Variants in EIF4E observed in about 807,000 individuals in gnomAD.
EIF4E encodes the protein eukaryotic translation initiation factor 4E, also known as eIF-4F 25 kDa subunit.
For missense variants in EIF4E, 113 were observed against 265.6 expected, an observed-to-expected ratio of 0.43 and a Z score of 3.99; for synonymous variants, 71 against 88.5, an observed-to-expected ratio of 0.80 and a Z score of 1.11.
chr4:98,925,793 T>C (rs114057100), intron 1 of EIF4E, among the ~76,000 whole-genome samples: 12,711 of 152,146 alleles, frequency 0.084, 728 homozygotes, highest in Non-Finnish European at 0.12. Flanking sequence ...ACAAACTAGC[T>C]GAAGTAAGAA....
chr4:98,898,746 AAAAAT>A lies in EIF4E; in HGVS notation c.125+3125_125+3129del, dbSNP rs568234340. The stretch of plus-strand genomic sequence containing the variant: ...GTGAAATTATACATTTTTAAATGTG[AAAAAT>A]AAAATAACATCTTAGCATTATTTAC... On this transcript the variant is annotated intron_variant, in intron 2 of 6. Coordinates refer to ENST00000450253, the MANE Select transcript of EIF4E (RefSeq NM_001968.5). 4.4e-3 allele frequency among the ~76,000 whole-genome samples: 670 copies of A among 152,272 alleles called. 3 individuals carry two copies. The highest frequency in any genetic ancestry group is 6.9e-3 in the Non-Finnish European group (469 of 68,022).
At position 98,887,234 on chromosome 4, in the gene EIF4E, C is replaced by G; in HGVS notation, c.286-42G>C. 6.3e-7 allele frequency: 1 copy of G among 1,586,422 alleles called. No individual in the cohort carries two copies. The highest frequency in any genetic ancestry group is 8.7e-7 in the Non-Finnish European group (1 of 1,155,228). On this transcript the variant is annotated intron_variant, in intron 4 of 6. Transcript: ENST00000450253. This position sits in a 1 kb window ranked among gnomAD's most constrained non-coding sequence, Gnocchi z 4.0. ...CAACAGTATTACACAACATTGTTAC[C>G]TTGACTTTGAGAGATAATCATTAGA...
chr4:98,891,469 A>C, intron 2 of EIF4E, 137 bp from the exon 3 acceptor site: 1 of 709,726 alleles, frequency 1.4e-6, no homozygotes, highest in Non-Finnish European at 2.4e-6. Flanking sequence ...TATACACACA[A>C]TGGAATACTA....
intron 5 of EIF4E, 51 bp from the exon 6 acceptor site, chr4:98,885,112 A>G (rs777386723): frequency 1.3e-6 from 2 of 1,579,160 alleles, no homozygotes; most frequent in African/African-American, 2.7e-5. Flanking sequence ...CAAGCTCATT[A>G]CACTGCAAAT....
chr4:98,927,258 G>A (rs569371793), intron 1 of EIF4E, among the ~76,000 whole-genome samples: 18 of 152,304 alleles, frequency 1.2e-4, no homozygotes, highest in African/African-American at 4.1e-4. Context: ...TAAGCAAGCA[G>A]AGAAGCTGCC....
Position 98,880,909 on chromosome 4 carries a change from T to C in EIF4E, c.*119A>G. 2 of 1,515,400 alleles carry C rather than the reference T, an allele frequency of 1.3e-6. No homozygotes were observed. The highest frequency in any genetic ancestry group is 8.9e-7 in the Non-Finnish European group (1 of 1,122,506). 93.9% of individuals were successfully genotyped at this position (1,515,400 alleles called of 1,614,324 possible). ...AGACTTCTCTTATATCTGAGTAACA[T>C]TAAGATGGAAATCAAATTTAAATGC... On this transcript the variant is annotated 3_prime_UTR_variant, in exon 7 of 7. Transcript: ENST00000450253.
At position 98,881,070 on chromosome 4, in the gene EIF4E, A is replaced by G; in HGVS notation, c.612T>C (p.Ala204=). ...VIGYQSHADT[A]TKSGSTTKNR... Reference sequence around the variant, plus strand: ...TTTTAGTGGTGGAGCCGCTCTTAGTAGCTGTGTCTGCGTGGGACTGATAAC... The same window carrying G: ...TTTTAGTGGTGGAGCCGCTCTTAGTGGCTGTGTCTGCGTGGGACTGATAAC... Residue 204 remains alanine (A), a synonymous_variant, in exon 7 of 7, where the codon GCT becomes GCC. Transcript: ENST00000450253. The G allele has an allele frequency of 3.1e-6, 5 of 1,612,446 alleles. No individual in the cohort carries two copies. The highest frequency in any genetic ancestry group is 4.2e-6 in the Non-Finnish European group (5 of 1,179,420).
intron 1 of EIF4E, among the ~76,000 whole-genome samples, chr4:98,904,170 C>A (rs144661132): frequency 1.1e-3 from 160 of 152,248 alleles, no homozygotes; most frequent in African/African-American, 3.6e-3. Flanking sequence ...ATTTGTGAAA[C>A]GTAAGCAGAA....
rs189400211 is a variant in EIF4E at position 98,884,858 on chromosome 4, A to C, written c.539+64T>G. 53 of 1,591,224 alleles carry C rather than the reference A, an allele frequency of 3.3e-5. No homozygotes were observed. In the African/African-American group the frequency reaches 5.5e-4, roughly 16 times the overall value. On this transcript the variant is annotated intron_variant, in intron 6 of 6. Transcript: ENST00000450253. The stretch of plus-strand genomic sequence containing the variant: ...CTGAAGTATTTCTAAAGCTACAAAT[A>C]AAATAACTTCTGGTTTTACTCATCT...
chr4:98,915,017 C>T (rs66809909), intron 1 of EIF4E, among the ~76,000 whole-genome samples: 13,077 of 152,234 alleles, frequency 0.086, 1,243 homozygotes, highest in East Asian at 0.49. Context: ...AATCACAGCT[C>T]ACTGAAGTCT....
At chr4:98,910,896 A>ATT (rs1725096532) in intron 1 of EIF4E, among the ~76,000 whole-genome samples, 1 of 151,042 alleles carries the variant, frequency 6.6e-6, no homozygotes, top group Non-Finnish European at 1.5e-5. Context: ...CACCTGGCTA[A>ATT]TTATTTGTAT....
At chr4:98,910,732 TTC>T (rs1308208217) in intron 1 of EIF4E, among the ~76,000 whole-genome samples, 3 of 148,230 alleles carry the variant, frequency 2.0e-5, no homozygotes, top group African/African-American at 7.6e-5. Flanking sequence ...CTTGGATGGA[TTC>T]TTTTTTTTTT....
At chr4:98,900,745 C>T (rs913023108) in intron 2 of EIF4E, among the ~76,000 whole-genome samples, 1 of 152,110 alleles carries the variant, frequency 6.6e-6, no homozygotes, top group Non-Finnish European at 1.5e-5. Context: ...AAAAACAAAC[C>T]TACTGGAAAG....
chr4:98,927,370 A>G (rs1448333817), intron 1 of EIF4E, among the ~76,000 whole-genome samples: 4 of 152,142 alleles, frequency 2.6e-5, no homozygotes, highest in East Asian at 1.9e-4. Context: ...AAAGTCTTTA[A>G]AAGTGCCGGG....
At chr4:98,894,947 T>C (rs1304274536) in intron 2 of EIF4E, among the ~76,000 whole-genome samples, 3 of 152,328 alleles carry the variant, frequency 2.0e-5, no homozygotes, top group Admixed American at 1.3e-4. Context: ...GGGCTATTAA[T>C]TGGCTTAATT....
chr4:98,929,104 A>G lies in EIF4E; in HGVS notation c.9T>C (p.Thr3=), dbSNP rs1408185576. 1.3e-6 allele frequency: 2 copies of G among 1,580,254 alleles called. No individual in the cohort carries two copies. The highest frequency in any genetic ancestry group is 8.6e-7 in the Non-Finnish European group (1 of 1,162,936). Residue 3 remains threonine (T), a synonymous_variant, in exon 1 of 7, where the codon ACT becomes ACC. Transcript: ENST00000450253. ...CAAAGGCAATACTCACCGGTTCGAC[A>G]GTCGCCATCTTAGATCGATCTGATC... MA[T]VEPETTPTPN...
In EIF4E at chr4:98,880,890, C is replaced by T; in HGVS notation, c.*138G>A. 1 of 1,416,928 alleles carries T rather than the reference C, an allele frequency of 7.1e-7. No individual in the cohort carries two copies. The allele number at this position is 1,416,928 out of a possible 1,614,324, so 87.8% of individuals were successfully genotyped here. On this transcript the variant is annotated 3_prime_UTR_variant, in exon 7 of 7. Coordinates refer to ENST00000450253, the MANE Select transcript of EIF4E (RefSeq NM_001968.5). ...TACAAGACAAAGGCGAATGAGACTT[C>T]TCTTATATCTGAGTAACATTAAGAT...
chr4:98,929,024 C>A, intron 1 of EIF4E, 71 bp downstream of exon 1: 3 of 1,566,210 alleles, frequency 1.9e-6, no homozygotes, highest in Non-Finnish European at 2.6e-6. Flanking sequence ...CGCCGTCCCG[C>A]GGAGTCCCCC....
intron 5 of EIF4E, among the ~76,000 whole-genome samples, chr4:98,885,847 T>C (rs1723893994): frequency 6.6e-6 from 1 of 152,228 alleles, no homozygotes; most frequent in Admixed American, 6.5e-5. Flanking sequence ...TTCAACATTG[T>C]TGTACAACCA....
Sources: allele counts gnomAD v4.1 joint callset (sites outside exome capture counted in the v4.1 genomes callset), GRCh38; gene constraint gnomAD v4.1.1; non-coding constraint Gnocchi (gnomAD v3.1); transcripts MANE v1.5; gene names NCBI Gene and HGNC (gene_info 2026-07-23, HGNC 2026-07-21).